ODF1: variants seen among roughly 807,000 people sequenced by gnomAD.
ODF1 encodes the protein outer dense fiber protein 1.
Under a neutral mutation model 24.0 loss-of-function variants are expected in ODF1, and 10 were observed. That is an observed-to-expected ratio of 0.42 (90% CI 0.26 to 0.71). ODF1 has a LOEUF of 0.71. Among genes scored for constraint, ODF1 ranks in the 30% least tolerant of loss-of-function variants. ODF1 has a pLI of 0.28. For synonymous variants in ODF1, 118 were observed against 121.3 expected, an observed-to-expected ratio of 0.97 and a Z score of 0.18; for missense variants, 282 against 307.9, an observed-to-expected ratio of 0.92 and a Z score of 0.63.
rs1415026472 is a variant in ODF1, at chr8:102,551,949, C to T, written c.222C>T (p.Cys74=). ...GCCTGTGTGATCTCTACCCATGTTG[C>T]CTGTGTGATTATAAGCTTTACTGTC... ...SCGLCDLYPC[C]LCDYKLYCLR... The change falls in exon 1 of 2, where the codon TGC becomes TGT. Residue 74 remains cysteine (C), a synonymous_variant. Coordinates refer to ENST00000285402, the MANE Select transcript of ODF1 (RefSeq NM_024410.4). 8 of 1,614,096 alleles carry T rather than the reference C, an allele frequency of 5.0e-6. No individual in the cohort carries two copies. Among genetic ancestry groups the T allele is most frequent in the East Asian group, 2.2e-5 (1 of 44,882 alleles).
Position 102,560,859 on chromosome 8 carries a change from T to A in ODF1, c.728T>A (p.Phe243Tyr). 1 of 1,612,246 alleles carries A rather than the reference T, an allele frequency of 6.2e-7. No homozygotes were observed. Among genetic ancestry groups the A allele is most frequent in the Non-Finnish European group, 8.5e-7 (1 of 1,178,880 alleles). Residue 243 changes from phenylalanine to tyrosine, a missense_variant, in exon 2 of 2, where the codon TTT becomes TAT. By Grantham distance (22) the Phe-to-Tyr change is conservative. Transcript: ENST00000285402. ...CNPCYPCGSRFSCRKMIL is the reference protein window; with the variant it reads ...CNPCYPCGSRYSCRKMIL ...CCGTGTTATCCCTGTGGAAGCCGATTTTCCTGTAGGAAGATGATTTTGTAA... is the reference window on the plus strand; with the variant it reads ...CCGTGTTATCCCTGTGGAAGCCGATATTCCTGTAGGAAGATGATTTTGTAA...
chr8:102,553,206 C>CAAAAAAAAA (rs71276450), intron 1 of ODF1, among the ~76,000 whole-genome samples: 2 of 124,208 alleles, frequency 1.6e-5, no homozygotes, highest in African/African-American at 6.2e-5. Context: ...CTACTAAATA[C>CAAAAAAAAA]AAAAAAAAAA....
At position 102,552,003 on chromosome 8, in the gene ODF1, G is replaced by T; in HGVS notation, c.276G>T (p.Arg92Ser). The T allele has an allele frequency of 1.2e-6, 2 of 1,611,222 alleles. No homozygotes were observed. The highest frequency in any genetic ancestry group is 1.7e-6 in the Non-Finnish European group (2 of 1,177,666). Residue 92 changes from arginine (R) to serine (S), a missense_variant, in exon 1 of 2, where the codon AGG becomes AGT. Physicochemically the swap from Arg to Ser is moderately radical, Grantham distance 110. Coordinates refer to ENST00000285402, the MANE Select transcript of ODF1 (RefSeq NM_024410.4). Reference sequence around the variant, plus strand: ...GACCATCTCTCAGAAGTTTGGAGAGGAAAGCCATCAGAGCCATAGAAGATG... The same window carrying T: ...GACCATCTCTCAGAAGTTTGGAGAGTAAAGCCATCAGAGCCATAGAAGATG... ...CLRPSLRSLE[R>S]KAIRAIEDEK...
chr8:102,552,625 C>A (rs1297050363), intron 1 of ODF1, among the ~76,000 whole-genome samples: 1 of 152,090 alleles, frequency 6.6e-6, no homozygotes, highest in Non-Finnish European at 1.5e-5. Flanking sequence ...CTAACTCTAG[C>A]AAAGGTCTTG....
intron 1 of ODF1, among the ~76,000 whole-genome samples, chr8:102,553,565 T>C (rs1826075131): frequency 6.6e-6 from 1 of 152,164 alleles, no homozygotes; most frequent in East Asian, 1.9e-4. Flanking sequence ...GGACTCTTTT[T>C]AAAATATTTG....
In ODF1 at chr8:102,551,760, C is replaced by A; in HGVS notation, c.33C>A (p.Val11=). Residue 11 remains valine (V), a synonymous_variant, in exon 1 of 2, where the codon GTC becomes GTA. Coordinates refer to ENST00000285402, the MANE Select transcript of ODF1 (RefSeq NM_024410.4). ...CACTGAGTTGTCTCTTGGACAGTGT[C>A]AGAAGGGACATAAAGAAGGTGGACA... MAALSCLLDS[V]RRDIKKVDRE... The A allele has an allele frequency of 6.2e-7, 1 of 1,611,274 alleles. No individual in the cohort carries two copies. The highest frequency in any genetic ancestry group is 1.1e-5 in the South Asian group (1 of 90,610).
Position 102,551,725 on chromosome 8 carries a change from A to G in ODF1, c.-3A>G. On this transcript the variant is annotated 5_prime_UTR_variant, in exon 1 of 2. Transcript: ENST00000285402. ...ACTCACAGAACAATCAGGTGTGACC[A>G]TAATGGCTGCACTGAGTTGTCTCTT... The G allele has an allele frequency of 1.9e-6, 3 of 1,582,274 alleles. No individual in the cohort carries two copies. Among genetic ancestry groups the G allele is most frequent in the Non-Finnish European group, 2.6e-6 (3 of 1,158,882 alleles).
intron 1 of ODF1, among the ~76,000 whole-genome samples, chr8:102,557,165 G>A (rs1344932565): frequency 6.6e-6 from 1 of 152,132 alleles, no homozygotes. Context: ...CAAAGGAGCT[G>A]ATTTCCCTAT....
chr8:102,560,755 T>TTGCAGCCCC lies in ODF1; in HGVS notation c.647_655dup (p.Ser216_Cys218dup). On this transcript the variant is annotated inframe_insertion, in exon 2 of 2. Coordinates refer to ENST00000285402, the MANE Select transcript of ODF1 (RefSeq NM_024410.4). ...CTCCTTGCTACCCTTGCACTTCTCC[T>TTGCAGCCCC]TGCAGCCCCTGCAGCCCCTGCAGCC... The TTGCAGCCCC allele has an allele frequency of 1.2e-6, 2 of 1,611,568 alleles. No homozygotes were observed. The highest frequency in any genetic ancestry group is 1.7e-6 in the Non-Finnish European group (2 of 1,178,800).
intron 1 of ODF1, among the ~76,000 whole-genome samples, chr8:102,552,252 T>G (rs1252445594): frequency 6.6e-6 from 1 of 151,924 alleles, no homozygotes; most frequent in Non-Finnish European, 1.5e-5. Flanking sequence ...AATGTAATGA[T>G]GTCGATTGGC....
intron 1 of ODF1, 129 bp downstream of exon 1, chr8:102,552,176 T>G (rs921802681): frequency 3.1e-6 from 2 of 635,536 alleles, no homozygotes; most frequent in South Asian, 2.6e-5. Flanking sequence ...CCTGGTGACT[T>G]AGGAAAGATT....
intron 1 of ODF1, among the ~76,000 whole-genome samples, chr8:102,559,385 A>C (rs1298547218): frequency 2.6e-5 from 4 of 151,748 alleles, no homozygotes; most frequent in African/African-American, 9.8e-5. Context: ...AATAGCAACA[A>C]GGTAGGAACC....
intron 1 of ODF1, among the ~76,000 whole-genome samples, chr8:102,553,376 A>G (rs981481389): frequency 4.2e-5 from 1 of 23,904 alleles, no homozygotes; most frequent in African/African-American, 3.6e-4. Context: ...GACTGTCTCA[A>G]AAAAAAAAAA....
intron 1 of ODF1, among the ~76,000 whole-genome samples, chr8:102,556,585 C>T (rs1237705211): frequency 6.6e-6 from 1 of 152,016 alleles, no homozygotes; most frequent in African/African-American, 2.4e-5. Context: ...GTAACTGGGA[C>T]TAGAGGTGCG....
At chr8:102,556,669 T>A (rs1395205899) in intron 1 of ODF1, among the ~76,000 whole-genome samples, 1 of 152,164 alleles carries the variant, frequency 6.6e-6, no homozygotes, top group African/African-American at 2.4e-5. Flanking sequence ...ACCTGTGCCA[T>A]GCTGCCTGGC....
intron 1 of ODF1, among the ~76,000 whole-genome samples, chr8:102,556,095 G>A (rs926578202): frequency 6.6e-6 from 1 of 152,322 alleles, no homozygotes; most frequent in East Asian, 1.9e-4. Context: ...ACTGTTACTA[G>A]CACTTCATGT....
intron 1 of ODF1, among the ~76,000 whole-genome samples, chr8:102,560,134 A>G (rs566084163): frequency 1.3e-5 from 2 of 151,502 alleles, no homozygotes; most frequent in South Asian, 4.2e-4. Context: ...AGATGAGGAA[A>G]CTGAGGTACA....
intron 1 of ODF1, among the ~76,000 whole-genome samples, chr8:102,557,476 G>A (rs1587811814): frequency 6.6e-6 from 1 of 152,354 alleles, no homozygotes; most frequent in East Asian, 1.9e-4. Flanking sequence ...CTTGTGTGCT[G>A]TCGCAGAGCC....
intron 1 of ODF1, among the ~76,000 whole-genome samples, chr8:102,555,075 T>C (rs997326357): frequency 1.8e-4 from 27 of 152,220 alleles, no homozygotes; most frequent in Admixed American, 1.7e-3. Flanking sequence ...AGTAAGCACC[T>C]TTGTTTCTGT....
Sources: allele counts gnomAD v4.1 joint callset (sites outside exome capture counted in the v4.1 genomes callset), GRCh38; gene constraint gnomAD v4.1.1; transcripts MANE v1.5; gene names NCBI Gene and HGNC (gene_info 2026-07-23, HGNC 2026-07-21).